ZC4H2: variants seen among roughly 807,000 people sequenced by gnomAD.
ZC4H2 encodes zinc finger C4H2 domain-containing protein.
For synonymous variants in ZC4H2, 84 were observed against 66.3 expected (o/e 1.27, Z -1.30); for missense variants, 137 against 173.9 (o/e 0.79, Z 1.19).
intron 1 of ZC4H2, among the ~76,000 whole-genome samples, chrX:65,025,680 A>T (rs1270261930): frequency 9.0e-6 from 1 of 111,587 alleles, no homozygotes; most frequent in East Asian, 2.8e-4. Context: ...TCCATGTGGA[A>T]CTCTGCCTTG....
intron 1 of ZC4H2, among the ~76,000 whole-genome samples, chrX:64,954,344 AT>A (rs1931045025): frequency 1.4e-5 from 1 of 74,003 alleles, no homozygotes; most frequent in Admixed American, 1.5e-4. Context: ...ATATAATTAT[AT>A]ATATATATAA....
At chrX:64,977,068 A>T (rs1214299868), upstream of ZC4H2, among the ~76,000 whole-genome samples, 2 of 111,816 alleles carry the variant, frequency 1.8e-5, no homozygotes, top group Admixed American at 9.4e-5. Flanking sequence ...TCAATGGAAG[A>T]AGTACTGTAG....
In ZC4H2 at chrX:64,917,952, C is replaced by A. The variant is rs774127647; in HGVS notation, c.562-56G>T. On this transcript the variant is annotated intron_variant, in intron 4 of 4. Transcript: ENST00000374839. ...GTAGTCAGATTCTTCCAGGCAACAA[C>A]TTAGACTTCTGATTCCCCAGGGGCC... The A allele has an allele frequency of 3.5e-6, 4 of 1,149,319 alleles. No homozygotes were observed. The South Asian group carries it at 5.9e-5, about 17-fold the overall frequency. The allele number at this position is 1,149,319 out of a possible 1,213,427, so 94.7% of individuals were successfully genotyped here.
intron 2 of ZC4H2, 108 bp downstream of exon 2, chrX:64,921,709 T>C (rs950508713): frequency 1.1e-6 from 1 of 884,754 alleles, no homozygotes; most frequent in Admixed American, 3.3e-5. Context: ...CCTGCACTGA[T>C]GCCTGCTCCC....
intron 1 of ZC4H2, among the ~76,000 whole-genome samples, chrX:65,002,300 A>G (rs988809357): frequency 1.8e-5 from 2 of 111,382 alleles, no homozygotes; most frequent in Non-Finnish European, 3.8e-5. Flanking sequence ...AACTCACTCA[A>G]AACTGCAAAA....
intron 1 of ZC4H2, among the ~76,000 whole-genome samples, chrX:64,931,930 G>T (rs1929771001): frequency 8.9e-6 from 1 of 111,766 alleles, no homozygotes; most frequent in Non-Finnish European, 1.9e-5. Flanking sequence ...TTGATGATCT[G>T]TCTAGTGCTG....
At chrX:64,954,361 TATATATATATA>T (rs1931053753) in intron 1 of ZC4H2, among the ~76,000 whole-genome samples, 1 of 76,833 alleles carries the variant, frequency 1.3e-5, no homozygotes, top group Non-Finnish European at 2.1e-5. Context: ...TATAATTATA[TATATATATATA>T]ATTATATATA....
chrX:64,923,017 G>A lies in ZC4H2; in HGVS notation c.54-1029C>T, dbSNP rs764264471. On this transcript the variant is annotated intron_variant, in intron 1 of 4. Coordinates refer to ENST00000374839, the MANE Select transcript of ZC4H2 (RefSeq NM_018684.4). Reference sequence around the variant, plus strand: ...ATTAAATCCCAATTGTATACCGTGTGGCTCAGGAATCCTATACTTGGGAAT... The same window carrying A: ...ATTAAATCCCAATTGTATACCGTGTAGCTCAGGAATCCTATACTTGGGAAT... Among the ~76,000 whole-genome samples the A allele has an allele frequency of 8.1e-5, 9 of 111,615 alleles. No homozygotes were observed. In the East Asian group the frequency reaches 2.5e-3, roughly 32 times the overall value.
chrX:64,984,427 G>C (rs1016345671), intron 1 of ZC4H2, among the ~76,000 whole-genome samples: 7 of 111,774 alleles, frequency 6.3e-5, no homozygotes. Flanking sequence ...ATGGGCAGAG[G>C]ACTAGGGAAT....
chrX:65,009,633 G>A (rs754150384), intron 1 of ZC4H2, among the ~76,000 whole-genome samples: 3 of 111,986 alleles, frequency 2.7e-5, no homozygotes, highest in Non-Finnish European at 3.8e-5. Flanking sequence ...CAAAAGTCAG[G>A]CAGGTTTGTT....
chrX:64,975,451 T>G (rs761999718), intron 1 of ZC4H2, among the ~76,000 whole-genome samples: 1 of 111,319 alleles, frequency 9.0e-6, no homozygotes, highest in South Asian at 3.8e-4. Flanking sequence ...CAGAAAACAC[T>G]CCAGGGAGAG....
intron 1 of ZC4H2, among the ~76,000 whole-genome samples, chrX:64,998,605 T>C (rs2147277656): frequency 8.9e-6 from 1 of 111,839 alleles, no homozygotes; most frequent in South Asian, 3.7e-4. Flanking sequence ...TGTTGTTGTG[T>C]AGTGTTCTGC....
chrX:64,979,248 T>C (rs1189636773), upstream of ZC4H2, among the ~76,000 whole-genome samples: 2 of 111,803 alleles, frequency 1.8e-5, no homozygotes, highest in African/African-American at 3.3e-5. Context: ...GCTGCTACCA[T>C]GGGGCCTGAA....
chrX:64,929,724 T>C (rs1253518282), intron 1 of ZC4H2, among the ~76,000 whole-genome samples: 1 of 111,933 alleles, frequency 8.9e-6, no homozygotes, highest in African/African-American at 3.2e-5. Flanking sequence ...TTCATTGGTC[T>C]TCATGCCTAT....
chrX:64,984,279 A>T (rs1272631174), intron 1 of ZC4H2, among the ~76,000 whole-genome samples: 1 of 112,294 alleles, frequency 8.9e-6, no homozygotes, highest in Non-Finnish European at 1.9e-5. Context: ...AAGCCAATGC[A>T]TTGAGAACAG....
chrX:64,918,878 G>T, intron 4 of ZC4H2, 164 bp downstream of exon 4: 2 of 589,298 alleles, frequency 3.4e-6, no homozygotes, highest in Non-Finnish European at 2.5e-6. Flanking sequence ...TGCTGTGTGT[G>T]TCCAACACAG....
chrX:64,933,722 G>C (rs1032721834), intron 1 of ZC4H2, among the ~76,000 whole-genome samples: 1 of 110,168 alleles, frequency 9.1e-6, no homozygotes, highest in Non-Finnish European at 1.9e-5. Context: ...GTTTCTTATG[G>C]GGTCAGAATG....
rs753376597 is a variant in ZC4H2, at chrX:64,941,898, G to A, written c.54-19910C>T. Reference sequence around the variant, plus strand: ...CAGGATTTGGTATCAGAATAATGCTGGCCTCATAAAATGAGTTAGGGAGGA... The same window carrying A: ...CAGGATTTGGTATCAGAATAATGCTAGCCTCATAAAATGAGTTAGGGAGGA... On this transcript the variant is annotated intron_variant, in intron 1 of 4. Coordinates refer to ENST00000374839, the MANE Select transcript of ZC4H2 (RefSeq NM_018684.4). 7.1e-5 allele frequency among the ~76,000 whole-genome samples: 8 copies of A among 112,189 alleles called. No individual in the cohort carries two copies. In the East Asian group the frequency reaches 2.2e-3, roughly 31 times the overall value.
At chrX:64,996,519 A>G (rs1932416937) in intron 1 of ZC4H2, among the ~76,000 whole-genome samples, 2 of 111,958 alleles carry the variant, frequency 1.8e-5, no homozygotes, top group Non-Finnish European at 3.8e-5. Context: ...AGGAAGCAAC[A>G]AAGACTTTAA....
Sources: allele counts gnomAD v4.1 joint callset (sites outside exome capture counted in the v4.1 genomes callset), GRCh38; gene constraint gnomAD v4.1.1; transcripts MANE v1.5; gene names NCBI Gene and HGNC (gene_info 2026-07-23, HGNC 2026-07-21).